FAM133A: variants seen among roughly 807,000 people sequenced by gnomAD.
The protein encoded by FAM133A is family with sequence similarity 133 member A, also known as protein FAM133A.
For synonymous variants in FAM133A, 65 were observed against 58.6 expected (o/e 1.11, Z -0.50); for missense variants, 159 against 164.4 (o/e 0.97, Z 0.18).
At position 93,710,140 on chromosome X, in the gene FAM133A, T is replaced by C; in HGVS notation, c.721T>C (p.Ser241Pro). Residue 241 changes from serine (S) to proline (P), a missense_variant, in exon 4 of 4, where the codon TCT (serine) becomes CCT (proline). Coordinates refer to ENST00000683942, the MANE Select transcript of FAM133A (RefSeq NM_001171109.2). ...ACATAGTAAGAAGAAGAAAAAGAAG[T>C]CTGGATCAAGTCACAAGTCAAGGTA... ...KKHSKKKKKK[S>P]GSSHKSR The C allele has an allele frequency of 8.5e-7, 1 of 1,178,871 alleles. No individual in the cohort carries two copies. Among genetic ancestry groups the C allele is most frequent in the Non-Finnish European group, 1.1e-6 (1 of 885,076 alleles).
intron 2 of FAM133A, among the ~76,000 whole-genome samples, chrX:93,691,979 C>G (rs1485136251): frequency 9.0e-6 from 1 of 111,023 alleles, no homozygotes; most frequent in Non-Finnish European, 1.9e-5. Context: ...ATAAATGCTT[C>G]TTAGATGGAG....
chrX:93,678,795 G>T (rs1924903519), intron 2 of FAM133A, among the ~76,000 whole-genome samples: 5 of 111,805 alleles, frequency 4.5e-5, no homozygotes, highest in Admixed American at 3.8e-4. Context: ...TATGTTGGAA[G>T]CTCTAATCTG....
chrX:93,709,979 A>T lies in FAM133A; in HGVS notation c.560A>T (p.Asp187Val), dbSNP rs903334539. Reference sequence around the variant, plus strand: ...AAAAGAAAGAAAAGTTACCCTGATGATAAACCTTTATCATCTGAGTCCTCA... The same window carrying T: ...AAAAGAAAGAAAAGTTACCCTGATGTTAAACCTTTATCATCTGAGTCCTCA... ...SKKRKKSYPD[D>V]KPLSSESSSE... The change falls in exon 4 of 4, where the codon GAT (aspartate) becomes GTT (valine). Residue 187 changes from aspartate to valine, a missense_variant. Transcript: ENST00000683942. 4.2e-6 allele frequency: 5 copies of T among 1,193,377 alleles called. No individual in the cohort carries two copies. Among genetic ancestry groups the T allele is most frequent in the Middle Eastern group, 4.8e-4 (2 of 4,156 alleles).
chrX:93,706,039 C>T lies in FAM133A; in HGVS notation c.-103-3278C>T, dbSNP rs1013534892. 2.7e-5 allele frequency among the ~76,000 whole-genome samples: 3 copies of T among 112,170 alleles called. No individual in the cohort carries two copies. The Admixed American group carries it at 2.8e-4, about 11-fold the overall frequency. Reference sequence around the variant, plus strand: ...CACTGTCACCTGGCTTGTGCCTTCACCACTTAGCTGAGATTGCATTAGCAA... The same window carrying T: ...CACTGTCACCTGGCTTGTGCCTTCATCACTTAGCTGAGATTGCATTAGCAA... On this transcript the variant is annotated intron_variant, in intron 3 of 3. Coordinates refer to ENST00000683942, the MANE Select transcript of FAM133A (RefSeq NM_001171109.2).
chrX:93,695,497 C>T (rs1298629641), intron 2 of FAM133A, among the ~76,000 whole-genome samples: 1 of 110,447 alleles, frequency 9.1e-6, no homozygotes, highest in Non-Finnish European at 1.9e-5. Flanking sequence ...AGGTGATCTG[C>T]CCGCCTAGGC....
chrX:93,696,734 C>G (rs1246153101), intron 2 of FAM133A, among the ~76,000 whole-genome samples: 1 of 110,358 alleles, frequency 9.1e-6, no homozygotes, highest in African/African-American at 3.3e-5. Context: ...TTCTGGCTAA[C>G]ACAGTGACAC....
intron 2 of FAM133A, among the ~76,000 whole-genome samples, chrX:93,689,251 A>G (rs1319873958): frequency 9.1e-6 from 1 of 110,446 alleles, no homozygotes; most frequent in Non-Finnish European, 1.9e-5. Flanking sequence ...CATGTTGGCC[A>G]GTCTTGTCTC....
At chrX:93,693,409 G>T (rs1926020910) in intron 2 of FAM133A, among the ~76,000 whole-genome samples, 1 of 111,043 alleles carries the variant, frequency 9.0e-6, no homozygotes, top group Admixed American at 9.6e-5. Flanking sequence ...TTCAAAATTT[G>T]CTTTGGAATT....
chrX:93,687,115 A>G (rs767283465), intron 2 of FAM133A, among the ~76,000 whole-genome samples: 12 of 112,589 alleles, frequency 1.1e-4, no homozygotes, highest in African/African-American at 3.5e-4. Flanking sequence ...CTAAATGCCT[A>G]TCAACCAATG....
Position 93,709,303 on chromosome X carries a change from T to C in FAM133A, c.-103-14T>C. ...AAAGGTGATTTGTAATCATTCCATC[T>C]GCTTCTCTTACAGAATGGAGCTTGC... On this transcript the variant is annotated splice_polypyrimidine_tract_variant and intron_variant, in intron 3 of 3. Transcript: ENST00000683942. The C allele has an allele frequency of 1.1e-6, 1 of 946,424 alleles. No homozygotes were observed. The highest frequency in any genetic ancestry group is 1.4e-6 in the Non-Finnish European group (1 of 733,082). The allele number at this position is 946,424 out of a possible 1,213,427, so 78.0% of individuals were successfully genotyped here.
At chrX:93,680,074 G>A (rs184692496) in intron 2 of FAM133A, among the ~76,000 whole-genome samples, 103 of 107,040 alleles carry the variant, frequency 9.6e-4, no homozygotes, top group Non-Finnish European at 1.7e-3. Context: ...ACTGCACCAG[G>A]CCGTGTTGTT....
intron 2 of FAM133A, among the ~76,000 whole-genome samples, chrX:93,694,904 A>G (rs1926124653): frequency 8.9e-6 from 1 of 112,060 alleles, no homozygotes; most frequent in Admixed American, 9.4e-5. Context: ...CTGGTTATCA[A>G]ACTAAACATT....
intron 2 of FAM133A, among the ~76,000 whole-genome samples, chrX:93,697,190 T>TATATATATATATATATAA (rs1176351541): frequency 3.6e-4 from 35 of 97,849 alleles, no homozygotes; most frequent in African/African-American, 6.9e-4. Context: ...TATATATATA[T>TATATATATATATATATAA]AATATATCAT....
In FAM133A at chrX:93,709,655, AATT is replaced by A; in HGVS notation, c.241_243del (p.Leu81del). 2 of 1,190,110 alleles carry A rather than the reference AATT, an allele frequency of 1.7e-6. No individual in the cohort carries two copies. Among genetic ancestry groups the A allele is most frequent in the Non-Finnish European group, 2.3e-6 (2 of 888,041 alleles). On this transcript the variant is annotated inframe_deletion, in exon 4 of 4. Coordinates refer to ENST00000683942, the MANE Select transcript of FAM133A (RefSeq NM_001171109.2). ...AAAGAACTTGAAAAAAGCAGAGAGA[AATT>A]ATTAAGTGGAAATGAGAGCTCATCT...
chrX:93,706,445 A>G (rs1303355696), intron 3 of FAM133A, among the ~76,000 whole-genome samples: 1 of 111,487 alleles, frequency 9.0e-6, no homozygotes, highest in Non-Finnish European at 1.9e-5. Flanking sequence ...CCTGCAAAAT[A>G]ATTTAGTTTT....
In FAM133A at chrX:93,709,832, C is replaced by T. The variant is rs1927300795; in HGVS notation, c.413C>T (p.Ser138Leu). The change falls in exon 4 of 4, where the codon TCA becomes TTA. Residue 138 changes from serine (S) to leucine (L), a missense_variant. By Grantham distance (145) the Ser-to-Leu change is moderately radical. Coordinates refer to ENST00000683942, the MANE Select transcript of FAM133A (RefSeq NM_001171109.2). ...AGGAGAAAGAAAAAGAAGAACCGTT[C>T]ATACAAATCATCCCAAAGCTCTACG... The part of the protein sequence containing the change: ...GKRRKKKKNR[S>L]YKSSQSSTHE... The T allele has an allele frequency of 8.3e-7, 1 of 1,200,686 alleles. No individual in the cohort carries two copies.
At chrX:93,690,752 C>T (rs867664988) in intron 2 of FAM133A, among the ~76,000 whole-genome samples, 6 of 111,381 alleles carry the variant, frequency 5.4e-5, no homozygotes, top group African/African-American at 2.0e-4. Flanking sequence ...AGTAGAATTG[C>T]TGTGTTGTAT....
chrX:93,679,958 T>TTTTTC (rs1569344510), intron 2 of FAM133A, among the ~76,000 whole-genome samples: 10 of 72,860 alleles, frequency 1.4e-4, no homozygotes, highest in African/African-American at 4.1e-4. Flanking sequence ...TTTTTTTTTT[T>TTTTTC]AGTAGAGACA....
rs1434152661 is a variant in FAM133A at position 93,709,590 on chromosome X, A to G, written c.171A>G (p.Ala57=). 2.5e-6 allele frequency: 3 copies of G among 1,195,833 alleles called. No individual in the cohort carries two copies. In the African/African-American group the frequency reaches 5.3e-5, roughly 21 times the overall value. The change falls in exon 4 of 4, where the codon GCA becomes GCG. Residue 57 remains alanine, a synonymous_variant. Transcript: ENST00000683942. The stretch of plus-strand genomic sequence containing the variant: ...AAAATAAAAAAACAGGTTCAAAAGC[A>G]TTAGCTGAATTTGAAGAAAAAATGA... ...QLENKKTGSK[A]LAEFEEKMNE...
Sources: allele counts gnomAD v4.1 joint callset (sites outside exome capture counted in the v4.1 genomes callset), GRCh38; gene constraint gnomAD v4.1.1; transcripts MANE v1.5; gene names NCBI Gene and HGNC (gene_info 2026-07-23, HGNC 2026-07-21).